KIAA1958: variants seen among roughly 807,000 people sequenced by gnomAD.
The protein encoded by KIAA1958 is uncharacterized protein KIAA1958.
In KIAA1958, 14 loss-of-function variants were observed where a neutral mutation model predicts 47.2. That is an observed-to-expected ratio of 0.30 (90% confidence interval 0.20 to 0.46). The LOEUF is 0.46. KIAA1958 is among the 20% of genes least tolerant of loss of function. The pLI, the probability that KIAA1958 is intolerant of heterozygous loss-of-function variation, is 1.00. For synonymous variants in KIAA1958, 354 were observed against 353.3 expected, an observed-to-expected ratio of 1.00 and a Z score of -0.02; for missense variants, 803 against 909.2, an observed-to-expected ratio of 0.88 and a Z score of 1.50.
chr9:112,652,935 A>G (rs1358855362), intron 3 of KIAA1958, among the ~76,000 whole-genome samples: 3 of 152,194 alleles, frequency 2.0e-5, no homozygotes, highest in Admixed American at 6.5e-5. Context: ...ATGGTTACAT[A>G]GTGCCAATCA....
intron 1 of KIAA1958, among the ~76,000 whole-genome samples, chr9:112,493,136 T>G (rs2132756289): frequency 7.0e-6 from 1 of 143,394 alleles, no homozygotes; most frequent in Admixed American, 7.3e-5. Context: ...TATTTTCTTC[T>G]GAGTTCTGAG....
chr9:112,530,090 G>A (rs1035345880), intron 1 of KIAA1958, among the ~76,000 whole-genome samples: 9 of 152,082 alleles, frequency 5.9e-5, no homozygotes, highest in Middle Eastern at 3.2e-3. Flanking sequence ...TGATCCACCC[G>A]CCTTGGCCTC....
intron 2 of KIAA1958, among the ~76,000 whole-genome samples, chr9:112,601,307 T>C (rs963460031): frequency 2.0e-5 from 3 of 152,316 alleles, no homozygotes; most frequent in Admixed American, 2.0e-4. Context: ...ACAAAAATCA[T>C]TTAAATAAAC....
At chr9:112,575,495 T>C (rs960575343) in intron 2 of KIAA1958, among the ~76,000 whole-genome samples, 7 of 151,976 alleles carry the variant, frequency 4.6e-5, no homozygotes, top group East Asian at 1.9e-4. Flanking sequence ...TCTGTTGATA[T>C]TGCAGCGTTA....
intron 1 of KIAA1958, among the ~76,000 whole-genome samples, chr9:112,513,004 ATT>A (rs34446189): frequency 0.013 from 1,389 of 104,044 alleles, 11 homozygotes; most frequent in African/African-American, 0.035. Context: ...TGCCCAGCTA[ATT>A]TTTTTTTTTT....
chr9:112,487,780 G>A (rs1047705504), intron 1 of KIAA1958, among the ~76,000 whole-genome samples: 1 of 151,944 alleles, frequency 6.6e-6, no homozygotes, highest in Non-Finnish European at 1.5e-5. Context: ...ATCGAGAAAT[G>A]TATTCCCCTG....
chr9:112,574,970 CT>C lies in KIAA1958; in HGVS notation c.891del (p.Gly298ValfsTer15). 1.2e-6 allele frequency: 2 copies of C among 1,614,174 alleles called. No homozygotes were observed. Among genetic ancestry groups the C allele is most frequent in the Non-Finnish European group, 8.5e-7 (1 of 1,180,018 alleles). ...CTGGCTTCACCAAACAGAGGACCCC[CT>C]GGTACACATGGCACCAACCAACAGG... ...VSLASPNRGPPGTHGTNQQVA... is the reference protein window; with the variant it reads ...VSLASPNRGPXGTHGTNQQVA... On this transcript the variant is annotated frameshift_variant, in exon 2 of 4. Transcript: ENST00000337530. LOFTEE classifies it high-confidence loss of function.
intron 1 of KIAA1958, among the ~76,000 whole-genome samples, chr9:112,527,084 C>G (rs753856614): frequency 1.3e-5 from 2 of 152,290 alleles, no homozygotes; most frequent in East Asian, 3.9e-4. Context: ...TGACTGTTCT[C>G]TTTGCCAGGA....
At chr9:112,599,893 G>A (rs960372545) in intron 2 of KIAA1958, among the ~76,000 whole-genome samples, 9 of 152,136 alleles carry the variant, frequency 5.9e-5, no homozygotes, top group Admixed American at 1.3e-4. Flanking sequence ...ATAAAAAAGT[G>A]GGGGAGAAAT....
intron 1 of KIAA1958, among the ~76,000 whole-genome samples, chr9:112,521,467 G>A (rs1298694524): frequency 6.6e-6 from 1 of 152,046 alleles, no homozygotes; most frequent in Non-Finnish European, 1.5e-5. Context: ...TCCCACGTTG[G>A]CCTCCCAAAG....
At chr9:112,602,147 T>C (rs1836144602) in intron 2 of KIAA1958, among the ~76,000 whole-genome samples, 1 of 152,182 alleles carries the variant, frequency 6.6e-6, no homozygotes, top group Admixed American at 6.6e-5. Flanking sequence ...GATATTGACT[T>C]TTTAATTTTA....
rs1466309369 is a variant in KIAA1958 at position 112,618,823 on chromosome 9, G to C, written c.1172-26827G>C. On this transcript the variant is annotated intron_variant, in intron 2 of 3. Coordinates refer to ENST00000337530, the MANE Select transcript of KIAA1958 (RefSeq NM_133465.4). The surrounding 1 kb of genome is among the most constrained non-coding windows in gnomAD (Gnocchi z 7.1). ...AGCTCGTGCTGATCTGTAACAATCTGAGCCAGCAGGCTGCCCAGTCAGTGG... is the reference window on the plus strand; with the variant it reads ...AGCTCGTGCTGATCTGTAACAATCTCAGCCAGCAGGCTGCCCAGTCAGTGG... The C allele has an allele frequency of 1.3e-6, 2 of 1,550,434 alleles. No homozygotes were observed.
At position 112,493,092 on chromosome 9, in the gene KIAA1958, T is replaced by C. The variant is rs536264711; in HGVS notation, c.-25+5974T>C. ...TGTTTTGGAATACTGGAGAATATTA[T>C]TGTGGCCAAATTCAGTGGAAGTGCT... On this transcript the variant is annotated intron_variant, in intron 1 of 3. Coordinates refer to ENST00000337530, the MANE Select transcript of KIAA1958 (RefSeq NM_133465.4). Among the ~76,000 whole-genome samples, 8 of 152,216 alleles carry C rather than the reference T, an allele frequency of 5.3e-5. No homozygotes were observed. The East Asian group carries it at 1.2e-3, about 22-fold the overall frequency.
intron 2 of KIAA1958, among the ~76,000 whole-genome samples, chr9:112,631,420 A>C (rs555853327): frequency 6.6e-6 from 1 of 151,540 alleles, no homozygotes; most frequent in East Asian, 2.0e-4. Flanking sequence ...CAGATGCTAG[A>C]GAGGCTGAGG....
rs1407057407 is a variant in KIAA1958 at position 112,660,383 on chromosome 9, C to T, written c.*314C>T. ...CTAGTGCCTTTCTAGCACAGGTTTT[C>T]TCAAAACAAACAAACAAAAAAGGAA... On this transcript the variant is annotated 3_prime_UTR_variant, in exon 4 of 4. Coordinates refer to ENST00000337530, the MANE Select transcript of KIAA1958 (RefSeq NM_133465.4). The T allele has an allele frequency of 9.6e-6, 3 of 312,354 alleles. No individual in the cohort carries two copies. The highest frequency in any genetic ancestry group is 1.8e-5 in the Non-Finnish European group (3 of 168,842). The allele number at this position is 312,354 out of a possible 1,614,324, so 19.3% of individuals were successfully genotyped here.
At chr9:112,586,814 T>A (rs1588029430) in intron 2 of KIAA1958, among the ~76,000 whole-genome samples, 1 of 152,312 alleles carries the variant, frequency 6.6e-6, no homozygotes, top group Middle Eastern at 3.4e-3. Context: ...GTGTTGACCT[T>A]TCTAGCTTGG....
At chr9:112,540,823 C>G (rs1356003015) in intron 1 of KIAA1958, among the ~76,000 whole-genome samples, 1 of 151,532 alleles carries the variant, frequency 6.6e-6, no homozygotes, top group East Asian at 1.9e-4. Context: ...TTAGGTGATT[C>G]TCCCATCTCA....
chr9:112,531,732 AC>A (rs1160786597), intron 1 of KIAA1958, among the ~76,000 whole-genome samples: 1 of 152,138 alleles, frequency 6.6e-6, no homozygotes, highest in Admixed American at 6.6e-5. Context: ...GATAATTACA[AC>A]CCTTTAAAGT....
chr9:112,494,342 C>T (rs1179806170), intron 1 of KIAA1958, among the ~76,000 whole-genome samples: 1 of 151,766 alleles, frequency 6.6e-6, no homozygotes, highest in African/African-American at 2.4e-5. Flanking sequence ...CTCTTTGGGG[C>T]CTCCTATTAT....
Sources: gnomAD v4.1 joint callset for allele counts (sites outside exome capture counted in the v4.1 genomes callset) on GRCh38, gnomAD v4.1.1 for gene constraint, Gnocchi (gnomAD v3.1) non-coding constraint, MANE v1.5 for transcripts, NCBI Gene and HGNC (gene_info 2026-07-23, HGNC 2026-07-21) for gene names.